The following CDH24 variants were observed in gnomAD, a reference collection of about 807,000 sequenced individuals.
CDH24 encodes the protein cadherin-24.
CDH24 carries 61 observed loss-of-function variants against 71.2 expected under a neutral mutation model. The observed-to-expected ratio is 0.86, with a 90% confidence interval of 0.70 to 1.06. The LOEUF (loss-of-function observed/expected upper bound fraction) is 1.06. Among genes scored for constraint, CDH24 ranks in the 50% least tolerant of loss-of-function variants. CDH24 has a pLI of 0.00. For missense variants in CDH24, 961 were observed against 1,083.7 expected (o/e 0.89, Z 1.59); for synonymous variants, 440 against 470.2 (o/e 0.94, Z 0.83).
rs1171903607 is a variant in CDH24 at position 23,053,532 on chromosome 14, G to A, written c.1190C>T (p.Ser397Phe). ...GGCAGGGGAGTCCAGGTCAGCCGCGGAGATCTGGCCTACCAGGGTCCCCGG... is the reference window on the plus strand; with the variant it reads ...GGCAGGGGAGTCCAGGTCAGCCGCGAAGATCTGGCCTACCAGGGTCCCCGG... ...KAPGTLVGQISAADLDSPASP... is the reference protein window; with the variant it reads ...KAPGTLVGQIFAADLDSPASP... The change falls in exon 7 of 13, where the codon TCC becomes TTC. Residue 397 changes from serine to phenylalanine, a missense_variant. Coordinates refer to ENST00000487137, the MANE Select transcript of CDH24 (RefSeq NM_144985.4). 2 of 1,595,696 alleles carry A rather than the reference G, an allele frequency of 1.3e-6. No individual in the cohort carries two copies. Among genetic ancestry groups the A allele is most frequent in the Non-Finnish European group, 1.7e-6 (2 of 1,165,464 alleles).
In CDH24 at chr14:23,051,572, T is replaced by G. The variant is rs2047085396; in HGVS notation, c.1363+901A>C. Among the ~76,000 whole-genome samples, 1 of 152,214 alleles carries G rather than the reference T, an allele frequency of 6.6e-6. No homozygotes were observed. Among genetic ancestry groups the G allele is most frequent in the South Asian group, 2.1e-4 (1 of 4,834 alleles). Reference sequence around the variant, plus strand: ...CATAATTAACATAAATATAATTCTGTACACTCAACAGTAAACACATATATA... The same window carrying G: ...CATAATTAACATAAATATAATTCTGGACACTCAACAGTAAACACATATATA... On this transcript the variant is annotated intron_variant, in intron 8 of 12. Transcript: ENST00000487137. The surrounding 1 kb of genome is among the most constrained non-coding windows in gnomAD (Gnocchi z 4.4).
rs1455137208 is a variant in CDH24 at position 23,055,165 on chromosome 14, C to G, written c.390G>C (p.Leu130=). The G allele has an allele frequency of 6.2e-7, 1 of 1,614,170 alleles. No individual in the cohort carries two copies. The highest frequency in any genetic ancestry group is 1.7e-5 in the Admixed American group (1 of 60,022). Residue 130 remains leucine (L), a synonymous_variant, in exon 3 of 13, where the codon CTG becomes CTC. Coordinates refer to ENST00000487137, the MANE Select transcript of CDH24 (RefSeq NM_144985.4). The surrounding 1 kb of genome is among the most constrained non-coding windows in gnomAD (Gnocchi z 4.1). ...TGATGATGAACTCTGATGGGGGCTCCAGGGGCCGGTTGGAGGCTCGGTCCA... is the reference window on the plus strand; with the variant it reads ...TGATGATGAACTCTGATGGGGGCTCGAGGGGCCGGTTGGAGGCTCGGTCCA... ...QAVDRASNRP[L]EPPSEFIIKV... is the part of the protein sequence containing the mutation.
At chr14:23,049,317 T>A (rs746195241) in intron 10 of CDH24, 42 bp from the exon 11 acceptor site, 7 of 1,528,108 alleles carry the variant, frequency 4.6e-6, no homozygotes, top group Middle Eastern at 2.2e-4. Context: ...CTGGGACACC[T>A]TCCAGGTAGG....
Position 23,053,760 on chromosome 14 carries a change from G to T in CDH24, c.973-11C>A, listed in dbSNP as rs1178798786. On this transcript the variant is annotated splice_polypyrimidine_tract_variant and intron_variant, in intron 6 of 12. Coordinates refer to ENST00000487137, the MANE Select transcript of CDH24 (RefSeq NM_144985.4). Reference sequence around the variant, plus strand: ...CTCAAAGTCTAGGGGCTATGGTGAGGGGAGAGGGAGAAAAAGTGAGGCATG... The same window carrying T: ...CTCAAAGTCTAGGGGCTATGGTGAGTGGAGAGGGAGAAAAAGTGAGGCATG... 1 of 1,584,726 alleles carries T rather than the reference G, an allele frequency of 6.3e-7. No homozygotes were observed. The highest frequency in any genetic ancestry group is 1.1e-5 in the South Asian group (1 of 90,204).
chr14:23,047,979 C>CT lies in CDH24; in HGVS notation c.2346dup, dbSNP rs2047053373. The CT allele has an allele frequency of 7.5e-7, 1 of 1,337,988 alleles. No individual in the cohort carries two copies. Among genetic ancestry groups the CT allele is most frequent in the African/African-American group, 1.6e-5 (1 of 64,458 alleles). 82.9% of individuals were successfully genotyped at this position (1,337,988 alleles called of 1,614,324 possible). On this transcript the variant is annotated 3_prime_UTR_variant, in exon 12 of 13. Coordinates refer to ENST00000487137, the MANE Select transcript of CDH24 (RefSeq NM_144985.4). Reference sequence around the variant, plus strand: ...GCGGTGGGCCGGGCCAGCCCGGGCGCTCAGGGGGCCGGGGGCTCCTTGGCC... The same window carrying CT: ...GCGGTGGGCCGGGCCAGCCCGGGCGCTTCAGGGGGCCGGGGGCTCCTTGGCC...
intron 8 of CDH24, 197 bp from the exon 9 acceptor site, chr14:23,050,140 G>A: frequency 2.9e-6 from 2 of 679,736 alleles, no homozygotes; most frequent in Non-Finnish European, 4.7e-6. Flanking sequence ...CAATATTCAT[G>A]TAGTACCCAA....
rs1379229590 is a variant in CDH24 at position 23,055,963 on chromosome 14, C to T, written c.-124-106G>A. 3.7e-6 allele frequency: 2 copies of T among 536,018 alleles called. No homozygotes were observed. The highest frequency in any genetic ancestry group is 6.7e-6 in the Non-Finnish European group (2 of 299,932). The allele number at this position is 536,018 out of a possible 1,614,324, so 33.2% of individuals were successfully genotyped here. A position where few individuals can be genotyped will look rare whatever the true frequency, so the allele number is the denominator to read the frequency against. The stretch of plus-strand genomic sequence containing the variant: ...TCCAAGGAACCAGACACTCCACTGC[C>T]CAGAACTCAGACTAAGACAGAGAGC... On this transcript the variant is annotated intron_variant, in intron 1 of 12. Coordinates refer to ENST00000487137, the MANE Select transcript of CDH24 (RefSeq NM_144985.4). This position sits in a 1 kb window ranked among gnomAD's most constrained non-coding sequence, Gnocchi z 4.1.
intron 8 of CDH24, chr14:23,052,069 G>T: frequency 6.4e-7 from 1 of 1,560,998 alleles, no homozygotes; most frequent in Non-Finnish European, 8.7e-7. Flanking sequence ...CCCCTTTCTG[G>T]CCCCCAGCTC....
At chr14:23,056,578 G>A (rs2047131667) in intron 1 of CDH24, among the ~76,000 whole-genome samples, 2 of 152,196 alleles carry the variant, frequency 1.3e-5, no homozygotes, top group Admixed American at 1.3e-4. Context: ...CAGAACAGTG[G>A]CAAGAGACAG....
chr14:23,048,102 A>C lies in CDH24; in HGVS notation c.2224T>G (p.Ser742Ala). 7.1e-7 allele frequency: 1 copy of C among 1,409,144 alleles called. No homozygotes were observed. The highest frequency in any genetic ancestry group is 1.5e-5 in the South Asian group (1 of 68,682). 87.3% of individuals were successfully genotyped at this position (1,409,144 alleles called of 1,614,324 possible). The change falls in exon 12 of 13, where the codon TCC (serine) becomes GCC (alanine). Residue 742 changes from serine (S) to alanine (A), a missense_variant. Ser to Ala is a moderately conservative substitution (Grantham distance 99). Around this residue, in one of 2 missense-constraint regions of CDH24, gnomAD observed 290 missense variants for 272.8 expected, o/e 1.06. Transcript: ENST00000487137. Reference sequence around the variant, plus strand: ...CCGGCTTCGCTGCCGGAGCCCAGGGAGCTGAGGGAGCCGCAAGAGGAGCCG... The same window carrying C: ...CCGGCTTCGCTGCCGGAGCCCAGGGCGCTGAGGGAGCCGCAAGAGGAGCCG... ...GRGSSCGSLSSLGSGSEAGGA... is the reference protein window; with the variant it reads ...GRGSSCGSLSALGSGSEAGGA...
rs556244988 is a variant in CDH24 at position 23,048,176 on chromosome 14, G to A, written c.2150C>T (p.Pro717Leu). ...ALRLREADED[P>L]GVPPYDSVQV... ...CACCGAGTCGTACGGGGGTACGCCG[G>A]GGTCCTCGTCCGCCTCGCGGAGCCG... The change falls in exon 12 of 13, where the codon CCC becomes CTC. Residue 717 changes from proline to leucine, a missense_variant. By Grantham distance (98) the Pro-to-Leu change is moderately conservative (BLOSUM62 -3). Transcript: ENST00000487137. 7.3e-4 allele frequency: 983 copies of A among 1,351,322 alleles called. No homozygotes were observed. In the African/African-American group the frequency reaches 0.01, roughly 14 times the overall value. 83.7% of individuals were successfully genotyped at this position (1,351,322 alleles called of 1,614,324 possible).
chr14:23,055,194 C>T lies in CDH24; in HGVS notation c.361G>A (p.Ala121Thr). Residue 121 changes from alanine (A) to threonine (T), a missense_variant, in exon 3 of 13, where the codon GCC becomes ACC. Ala to Thr is a moderately conservative substitution (Grantham distance 58). Around this residue, in one of 2 missense-constraint regions of CDH24, gnomAD observed 671 missense variants for 810.9 expected, o/e 0.83. Coordinates refer to ENST00000487137, the MANE Select transcript of CDH24 (RefSeq NM_144985.4). The surrounding 1 kb of genome is among the most constrained non-coding windows in gnomAD (Gnocchi z 4.1). ...GGCCGGTTGGAGGCTCGGTCCACGG[C>T]TTGGGCCAGTAGCACATATTGCGCC... The part of the protein sequence containing the change: ...EKAQYVLLAQ[A>T]VDRASNRPLE... 6.2e-7 allele frequency: 1 copy of T among 1,614,192 alleles called. No individual in the cohort carries two copies. The highest frequency in any genetic ancestry group is 8.5e-7 in the Non-Finnish European group (1 of 1,180,026).
intron 7 of CDH24, 138 bp from the exon 8 acceptor site, chr14:23,052,747 T>C: frequency 1.2e-6 from 1 of 862,182 alleles, no homozygotes; most frequent in Non-Finnish European, 1.8e-6. Flanking sequence ...CAGGTTGGAG[T>C]CCCCTTAAAA....
chr14:23,047,427 C>T (rs1293927882), intron 12 of CDH24, 34 bp downstream of exon 12: 1 of 152,594 alleles, frequency 6.6e-6, no homozygotes, highest in African/African-American at 2.4e-5. Context: ...GAGCCTTCAT[C>T]CACCGCCCTG....
Position 23,047,951 on chromosome 14 carries a change from C to CCA in CDH24, c.*28_*29insTG. On this transcript the variant is annotated 3_prime_UTR_variant, in exon 12 of 13. Coordinates refer to ENST00000487137, the MANE Select transcript of CDH24 (RefSeq NM_144985.4). Reference sequence around the variant, plus strand: ...GAGGGCCTGTGCCCGCTGCCCCCCCCCCGCGGTGGGCCGGGCCAGCCCGGG... The same window carrying CCA: ...GAGGGCCTGTGCCCGCTGCCCCCCCCCACCGCGGTGGGCCGGGCCAGCCCGGG... 1 of 1,291,940 alleles carries CCA rather than the reference C, an allele frequency of 7.7e-7. No homozygotes were observed. Among genetic ancestry groups the CCA allele is most frequent in the Admixed American group, 4.3e-5 (1 of 23,404 alleles). The allele number at this position is 1,291,940 out of a possible 1,614,324, so 80.0% of individuals were successfully genotyped here.
chr14:23,055,158 G>A lies in CDH24; in HGVS notation c.397C>T (p.Pro133Ser). 1 of 1,614,152 alleles carries A rather than the reference G, an allele frequency of 6.2e-7. No individual in the cohort carries two copies. Among genetic ancestry groups the A allele is most frequent in the Admixed American group, 1.7e-5 (1 of 60,026 alleles). The change falls in exon 3 of 13, where the codon CCA (proline) becomes TCA (serine). Residue 133 changes from proline (P) to serine (S), a missense_variant. Pro to Ser is a moderately conservative substitution (Grantham distance 74, BLOSUM62 -1). Around this residue, in one of 2 missense-constraint regions of CDH24, gnomAD observed 671 missense variants for 810.9 expected, o/e 0.83. Coordinates refer to ENST00000487137, the MANE Select transcript of CDH24 (RefSeq NM_144985.4). This position sits in a 1 kb window ranked among gnomAD's most constrained non-coding sequence, Gnocchi z 4.1. ...DRASNRPLEPPSEFIIKVQDI... is the reference protein window; with the variant it reads ...DRASNRPLEPSSEFIIKVQDI... ...TGCACTTTGATGATGAACTCTGATG[G>A]GGGCTCCAGGGGCCGGTTGGAGGCT... is the stretch of plus-strand genomic sequence containing the variant.
intron 8 of CDH24, 144 bp from the exon 9 acceptor site, chr14:23,050,087 G>C: frequency 8.5e-7 from 1 of 1,172,154 alleles, no homozygotes; most frequent in South Asian, 1.5e-5. Flanking sequence ...TGTACAGGTA[G>C]AAAACAATGT....
chr14:23,054,179 C>T lies in CDH24; in HGVS notation c.934G>A (p.Asp312Asn). 6.2e-7 allele frequency: 1 copy of T among 1,612,324 alleles called. No individual in the cohort carries two copies. The highest frequency in any genetic ancestry group is 1.1e-5 in the South Asian group (1 of 90,992). ...AGGAGCCCGTCTCGACCCTGCAAGT[C>T]TGTGCTGATGCTGAAGGCCTCAGAC... ...EGSEAFSIST[D>N]LQGRDGLLTV... Residue 312 changes from aspartate (D) to asparagine (N), a missense_variant, in exon 6 of 13, where the codon GAC becomes AAC. Asp to Asn is a conservative substitution (Grantham distance 23). Coordinates refer to ENST00000487137, the MANE Select transcript of CDH24 (RefSeq NM_144985.4). This position sits in a 1 kb window ranked among gnomAD's most constrained non-coding sequence, Gnocchi z 5.2.
intron 8 of CDH24, among the ~76,000 whole-genome samples, chr14:23,050,496 CACA>C (rs2047078205): frequency 6.8e-5 from 1 of 14,802 alleles, no homozygotes; most frequent in African/African-American, 9.3e-5. Flanking sequence ...ATACACACCA[CACA>C]CACACACACA....
Sources: gnomAD v4.1 joint callset for allele counts (sites outside exome capture counted in the v4.1 genomes callset) on GRCh38, gnomAD v4.1.1 for gene constraint, gnomAD v4.1.1 regional missense constraint, Gnocchi (gnomAD v3.1) non-coding constraint, MANE v1.5 for transcripts, NCBI Gene and HGNC (gene_info 2026-07-23, HGNC 2026-07-21) for gene names.